MSH4: variants seen among roughly 807,000 people sequenced by gnomAD.
MSH4 encodes mutS protein homolog 4.
In MSH4, 106 loss-of-function variants were observed where a neutral mutation model predicts 113.7. That is an observed-to-expected ratio of 0.93 (90% CI 0.80 to 1.10). The LOEUF (loss-of-function observed/expected upper bound fraction) is 1.10. MSH4 is among the 50% of genes least tolerant of loss of function. The pLI is 0.00. For synonymous variants in MSH4, 368 were observed against 380.2 expected, an observed-to-expected ratio of 0.97 and a Z score of 0.37; for missense variants, 1,061 against 1,093.7, an observed-to-expected ratio of 0.97 and a Z score of 0.42.
chr1:75,810,571 A>C lies in MSH4; in HGVS notation c.589-126A>C, dbSNP rs1006600098. ...TGGCTAGAAACATATTTTAATTGAA[A>C]TATATCATTAGGACAGTTATAATTT... On this transcript the variant is annotated intron_variant, in intron 3 of 19. Coordinates refer to ENST00000263187, the MANE Select transcript of MSH4 (RefSeq NM_002440.4). 3.4e-5 allele frequency: 15 copies of C among 444,388 alleles called. No homozygotes were observed. In the Admixed American group the frequency reaches 6.5e-4, roughly 19 times the overall value. The allele number at this position is 444,388 out of a possible 1,614,324, so 27.5% of individuals were successfully genotyped here.
At chr1:75,910,088 C>A (rs1010836698) in intron 19 of MSH4, among the ~76,000 whole-genome samples, 1 of 152,060 alleles carries the variant, frequency 6.6e-6, no homozygotes, top group Non-Finnish European at 1.5e-5. Flanking sequence ...AAAATTCTGC[C>A]TGTTTACTCT....
chr1:75,900,081 C>T (rs1211747895), intron 19 of MSH4, among the ~76,000 whole-genome samples: 3 of 151,932 alleles, frequency 2.0e-5, no homozygotes, highest in African/African-American at 7.2e-5. Flanking sequence ...CAAAGCTTTT[C>T]TACTCATCAT....
At chr1:75,805,791 T>G (rs1397563150) in intron 2 of MSH4, among the ~76,000 whole-genome samples, 1 of 152,208 alleles carries the variant, frequency 6.6e-6, no homozygotes, top group African/African-American at 2.4e-5. Flanking sequence ...CCAATCTTAC[T>G]CTATCCTCAT....
chr1:75,878,942 A>G (rs1304354957), intron 11 of MSH4, 50 bp from the exon 12 acceptor site: 1 of 1,516,014 alleles, frequency 6.6e-7, no homozygotes, highest in Non-Finnish European at 9.1e-7. Flanking sequence ...TTTCTCATTA[A>G]AATTTATTCA....
chr1:75,872,506 C>T (rs1313205856), intron 9 of MSH4, among the ~76,000 whole-genome samples: 1 of 152,204 alleles, frequency 6.6e-6, no homozygotes, highest in East Asian at 1.9e-4. Flanking sequence ...GAATGACTGC[C>T]AGATATGACC....
chr1:75,885,059 G>GTATATATATATATATA lies in MSH4; in HGVS notation c.2107+1239_2107+1254dup, dbSNP rs1198722667. 2.7e-3 allele frequency among the ~76,000 whole-genome samples: 300 copies of GTATATATATATATATA among 112,476 alleles called. 2 individuals are homozygous for GTATATATATATATATA. The highest frequency in any genetic ancestry group is 0.015 in the Admixed American group (150 of 10,136). The allele number at this position is 112,476 out of a possible 152,430, so 73.8% of individuals were successfully genotyped here. A position where few individuals can be genotyped will look rare whatever the true frequency, so the allele number is the denominator to read the frequency against. On this transcript the variant is annotated intron_variant, in intron 15 of 19. Transcript: ENST00000263187. Reference sequence around the variant, plus strand: ...TGTGTGTGTGTGTGTGTGTGTGTGTGTATATATATATATATACCAGCCAGG... The same window carrying GTATATATATATATATA: ...TGTGTGTGTGTGTGTGTGTGTGTGTGTATATATATATATATATATATATATATATATACCAGCCAGG...
intron 7 of MSH4, among the ~76,000 whole-genome samples, chr1:75,839,801 T>A (rs1650912649): frequency 6.8e-6 from 1 of 146,168 alleles, no homozygotes; most frequent in South Asian, 2.3e-4. Context: ...GAATCTACAA[T>A]GAACTCCAAC....
chr1:75,875,512 A>G (rs968028388), intron 9 of MSH4, among the ~76,000 whole-genome samples: 1 of 152,230 alleles, frequency 6.6e-6, no homozygotes, highest in Non-Finnish European at 1.5e-5. Flanking sequence ...ACCATTATTA[A>G]TGAAGCAGAT....
At chr1:75,847,314 A>T (rs1651095782) in intron 7 of MSH4, among the ~76,000 whole-genome samples, 1 of 152,186 alleles carries the variant, frequency 6.6e-6, no homozygotes, top group Admixed American at 6.5e-5. Flanking sequence ...TGGGAGGTAG[A>T]TGTTATCAGC....
At chr1:75,801,277 T>A (rs1649928765) in intron 1 of MSH4, among the ~76,000 whole-genome samples, 1 of 152,024 alleles carries the variant, frequency 6.6e-6, no homozygotes, top group Non-Finnish European at 1.5e-5. Context: ...TATTTAAAAG[T>A]TTATGGGCTG....
At chr1:75,844,337 A>G (rs938615985) in intron 7 of MSH4, among the ~76,000 whole-genome samples, 9 of 151,880 alleles carry the variant, frequency 5.9e-5, no homozygotes, top group African/African-American at 2.2e-4. Context: ...ATTTTTATTA[A>G]TTTTTTTGAG....
chr1:75,856,990 T>C lies in MSH4; in HGVS notation c.1230+8714T>C, dbSNP rs141795844. ...TTAATGATCGCCATTCTAACTGGCA[T>C]GTGATGGTATCTAGTTGTGGTTTTG... On this transcript the variant is annotated intron_variant, in intron 8 of 19. Coordinates refer to ENST00000263187, the MANE Select transcript of MSH4 (RefSeq NM_002440.4). Among the ~76,000 whole-genome samples, 341 of 152,336 alleles carry C rather than the reference T, an allele frequency of 2.2e-3. 3 individuals are homozygous for C. The highest frequency in any genetic ancestry group is 8.0e-3 in the African/African-American group (333 of 41,588).
intron 8 of MSH4, among the ~76,000 whole-genome samples, chr1:75,863,829 AT>A (rs1052243862): frequency 2.0e-5 from 3 of 152,056 alleles, no homozygotes; most frequent in African/African-American, 7.2e-5. Flanking sequence ...GTTTATTATT[AT>A]TTTTAGCCTT....
chr1:75,897,827 T>A, intron 17 of MSH4, 80 bp from the exon 18 acceptor site: 1 of 953,562 alleles, frequency 1.0e-6, no homozygotes, highest in East Asian at 3.3e-5. Flanking sequence ...TAAACTAAAA[T>A]TTTATGTTCA....
intron 1 of MSH4, among the ~76,000 whole-genome samples, chr1:75,797,974 TTCAAA>T (rs1236837073): frequency 6.6e-6 from 1 of 152,170 alleles, no homozygotes; most frequent in Non-Finnish European, 1.5e-5. Context: ...ATGCATGTCC[TTCAAA>T]TCATTTATTA....
chr1:75,885,029 ATG>A lies in MSH4; in HGVS notation c.2107+1238_2107+1239del, dbSNP rs1176556889. ...TGTGTGTATGTGTGTATATATATAT[ATG>A]TGTGTGTGTGTGTGTGTGTGTGTGT... On this transcript the variant is annotated intron_variant, in intron 15 of 19. Transcript: ENST00000263187. Among the ~76,000 whole-genome samples the A allele has an allele frequency of 7.0e-3, 862 of 122,290 alleles. 11 individuals are homozygous for A. Among genetic ancestry groups the A allele is most frequent in the African/African-American group, 0.015 (438 of 29,796 alleles). The allele number at this position is 122,290 out of a possible 152,430, so 80.2% of individuals were successfully genotyped here. A position where few individuals can be genotyped will look rare whatever the true frequency, so the allele number is the denominator to read the frequency against.
At chr1:75,882,433 C>G (rs1268498737) in intron 14 of MSH4, among the ~76,000 whole-genome samples, 1 of 151,988 alleles carries the variant, frequency 6.6e-6, no homozygotes, top group East Asian at 1.9e-4. Flanking sequence ...CCTCCTCCCC[C>G]CACTTCAGGT....
In MSH4 at chr1:75,897,997, C is replaced by T; in HGVS notation, c.2446C>T (p.His816Tyr). 1 of 1,606,688 alleles carries T rather than the reference C, an allele frequency of 6.2e-7. No individual in the cohort carries two copies. Among genetic ancestry groups the T allele is most frequent in the Non-Finnish European group, 8.5e-7 (1 of 1,175,638 alleles). ...AGAAAACATGCATTTTGAAGTTCAA[C>T]ATGTAAAGAATACCTCAAGAAATAA... ...NVENMHFEVQHVKNTSRNKEA... is the reference protein window; with the variant it reads ...NVENMHFEVQYVKNTSRNKEA... Residue 816 changes from histidine to tyrosine, a missense_variant, in exon 18 of 20, where the codon CAT becomes TAT. By Grantham distance (83) the His-to-Tyr change is moderately conservative. Transcript: ENST00000263187.
chr1:75,881,441 A>G lies in MSH4; in HGVS notation c.1906+71A>G, dbSNP rs1012088709. ...TATTCGATTCAAACAATTTGATATA[A>G]TAGTTATGACATTTAAAATTTTTAA... is the stretch of plus-strand genomic sequence containing the variant. On this transcript the variant is annotated intron_variant, in intron 14 of 19. Coordinates refer to ENST00000263187, the MANE Select transcript of MSH4 (RefSeq NM_002440.4). 2.0e-6 allele frequency: 3 copies of G among 1,502,334 alleles called. No individual in the cohort carries two copies. The African/African-American group carries it at 4.2e-5, about 21-fold the overall frequency. 93.1% of individuals were successfully genotyped at this position (1,502,334 alleles called of 1,614,324 possible). A position where few individuals can be genotyped will look rare whatever the true frequency, so the allele number is the denominator to read the frequency against.
Sources: gnomAD v4.1 joint callset for allele counts (sites outside exome capture counted in the v4.1 genomes callset) on GRCh38, gnomAD v4.1.1 for gene constraint, MANE v1.5 for transcripts, NCBI Gene and HGNC (gene_info 2026-07-23, HGNC 2026-07-21) for gene names.